COMMD10: variants seen among roughly 807,000 people sequenced by gnomAD.
COMMD10 encodes the protein COMM domain containing 10.
COMMD10 carries 33 observed loss-of-function variants against 28.9 expected under a neutral mutation model. That is an observed-to-expected ratio of 1.14 (90% CI 0.87 to 1.53). The LOEUF (loss-of-function observed/expected upper bound fraction) is 1.53, where lower values mean the gene tolerates loss of function less well. Ranked by LOEUF, COMMD10 falls within the 40% of genes most tolerant of loss-of-function variation. COMMD10 has a pLI of 0.00. For missense variants in COMMD10, 310 were observed against 233.4 expected (o/e 1.33, Z -2.14); for synonymous variants, 110 against 81.7 (o/e 1.35, Z -1.87).
chr5:116,115,078 A>T (rs892495779), intron 4 of COMMD10, among the ~76,000 whole-genome samples: 1 of 152,110 alleles, frequency 6.6e-6, no homozygotes, highest in Non-Finnish European at 1.5e-5. Flanking sequence ...AGGTCACACA[A>T]TTTGTTAAAC....
intron 5 of COMMD10, among the ~76,000 whole-genome samples, chr5:116,212,320 C>G (rs1457429052): frequency 6.6e-6 from 1 of 152,154 alleles, no homozygotes; most frequent in Non-Finnish European, 1.5e-5. Flanking sequence ...GTAATCCTCT[C>G]TCCAGGCATC....
chr5:116,170,442 A>G (rs947129780), intron 5 of COMMD10, among the ~76,000 whole-genome samples: 14 of 152,240 alleles, frequency 9.2e-5, no homozygotes, highest in African/African-American at 1.4e-4. Context: ...TGCCATCCCC[A>G]TCAAGCTACC....
chr5:116,257,739 G>A (rs754462558), intron 5 of COMMD10, among the ~76,000 whole-genome samples: 57 of 151,764 alleles, frequency 3.8e-4, no homozygotes, highest in Admixed American at 9.2e-4. Flanking sequence ...CAAATAAAAG[G>A]AATATTATGG....
intron 4 of COMMD10, among the ~76,000 whole-genome samples, chr5:116,103,342 A>G (rs1415914275): frequency 2.0e-5 from 3 of 152,110 alleles, no homozygotes; most frequent in Non-Finnish European, 2.9e-5. Flanking sequence ...TTGTTTCCTG[A>G]CTTTTTAATG....
chr5:116,183,166 A>G (rs1284728460), intron 5 of COMMD10, among the ~76,000 whole-genome samples: 1 of 152,148 alleles, frequency 6.6e-6, no homozygotes. Flanking sequence ...CCATTGACTC[A>G]CCAGAGAACC....
intron 5 of COMMD10, among the ~76,000 whole-genome samples, chr5:116,152,353 T>G (rs1462860788): frequency 1.3e-5 from 2 of 151,946 alleles, no homozygotes; most frequent in Admixed American, 6.6e-5. Context: ...CCCTGTGGGA[T>G]TTTTTTTCAC....
intron 5 of COMMD10, among the ~76,000 whole-genome samples, chr5:116,267,910 A>C (rs1750637097): frequency 6.6e-6 from 1 of 151,894 alleles, no homozygotes; most frequent in African/African-American, 2.4e-5. Context: ...AGAAAGCTGA[A>C]ACTGGATCCC....
chr5:116,133,446 A>G (rs953987521), intron 4 of COMMD10, among the ~76,000 whole-genome samples: 6 of 152,160 alleles, frequency 3.9e-5, no homozygotes, highest in African/African-American at 1.4e-4. Context: ...TGGGAACGAT[A>G]GTAAGAGTAC....
At chr5:116,289,171 C>A (rs187914203) in intron 5 of COMMD10, among the ~76,000 whole-genome samples, 1 of 151,732 alleles carries the variant, frequency 6.6e-6, no homozygotes, top group Non-Finnish European at 1.5e-5. Context: ...TTTGAGCTAC[C>A]GCTCCCAGCC....
At chr5:116,151,487 C>T (rs1752525956) in intron 5 of COMMD10, among the ~76,000 whole-genome samples, 1 of 152,120 alleles carries the variant, frequency 6.6e-6, no homozygotes, top group South Asian at 2.1e-4. Context: ...TCCATCTGGT[C>T]CTGGACTCTT....
At chr5:116,237,778 A>G (rs1035224845) in intron 5 of COMMD10, among the ~76,000 whole-genome samples, 11 of 152,180 alleles carry the variant, frequency 7.2e-5, no homozygotes, top group Admixed American at 2.0e-4. Context: ...CAATAAATGC[A>G]TTTTGTATTT....
At chr5:116,218,383 G>A in intron 5 of COMMD10, 1 of 536,616 alleles carries the variant, frequency 1.9e-6, no homozygotes, top group Non-Finnish European at 3.4e-6. Flanking sequence ...GGTCGTTCTT[G>A]CCTCTTGTTC....
At chr5:116,268,262 C>G (rs911427014) in intron 5 of COMMD10, among the ~76,000 whole-genome samples, 1 of 151,500 alleles carries the variant, frequency 6.6e-6, no homozygotes, top group Non-Finnish European at 1.5e-5. Context: ...AGAAAAAAAT[C>G]AAACAACTCC....
intron 5 of COMMD10, among the ~76,000 whole-genome samples, chr5:116,207,323 C>G (rs1238774139): frequency 6.6e-6 from 1 of 152,062 alleles, no homozygotes; most frequent in African/African-American, 2.4e-5. Flanking sequence ...TCTGTATATC[C>G]AAATTGTGAA....
rs557282782 is a variant in COMMD10 at position 116,144,344 on chromosome 5, G to A, written c.510+10166G>A. On this transcript the variant is annotated intron_variant, in intron 5 of 6. Transcript: ENST00000274458. Reference sequence around the variant, plus strand: ...TGCTACTAAGTAAAGTTAGAGGGAAGCAGGGTCAGAGAGAGAAGATAATAA... The same window carrying A: ...TGCTACTAAGTAAAGTTAGAGGGAAACAGGGTCAGAGAGAGAAGATAATAA... 6.6e-5 allele frequency among the ~76,000 whole-genome samples: 10 copies of A among 151,940 alleles called. No homozygotes were observed. In the East Asian group the frequency reaches 1.7e-3, roughly 27 times the overall value.
chr5:116,250,288 G>A (rs1231772838), intron 5 of COMMD10, among the ~76,000 whole-genome samples: 1 of 151,568 alleles, frequency 6.6e-6, no homozygotes, highest in Non-Finnish European at 1.5e-5. Flanking sequence ...ATATGCATTT[G>A]GTATAGTAAT....
intron 5 of COMMD10, among the ~76,000 whole-genome samples, chr5:116,207,146 A>ACC (rs1197342155): frequency 6.6e-6 from 1 of 152,108 alleles, no homozygotes; most frequent in Non-Finnish European, 1.5e-5. Flanking sequence ...TTATATCACT[A>ACC]TGTCAGTATG....
intron 5 of COMMD10, among the ~76,000 whole-genome samples, chr5:116,210,762 G>A (rs889343854): frequency 6.6e-6 from 1 of 151,866 alleles, no homozygotes; most frequent in Admixed American, 6.6e-5. Flanking sequence ...TTTACTATAC[G>A]ATCTTGTCCA....
Position 116,134,193 on chromosome 5 carries a change from C to A in COMMD10, c.510+15C>A, listed in dbSNP as rs762977153. The A allele has an allele frequency of 7.1e-7, 1 of 1,403,942 alleles. No individual in the cohort carries two copies. Among genetic ancestry groups the A allele is most frequent in the African/African-American group, 1.4e-5 (1 of 71,342 alleles). The allele number at this position is 1,403,942 out of a possible 1,614,324, so 87.0% of individuals were successfully genotyped here. ...AAGATTCAAAGGTAAGAAATGGTAT[C>A]CCATTAAAAGGATGTATTTTGTTTG... On this transcript the variant is annotated intron_variant, in intron 5 of 6. Transcript: ENST00000274458.
Sources: gnomAD v4.1 joint callset for allele counts (sites outside exome capture counted in the v4.1 genomes callset) on GRCh38, gnomAD v4.1.1 for gene constraint, MANE v1.5 for transcripts, NCBI Gene and HGNC (gene_info 2026-07-23, HGNC 2026-07-21) for gene names.